The following AVL9 variants were observed in gnomAD, a reference collection of about 807,000 sequenced individuals.
The protein encoded by AVL9 is AVL9 cell migration associated, also known as late secretory pathway protein AVL9 homolog.
AVL9 carries 49 observed loss-of-function variants against 79.2 expected under a neutral mutation model. That is an observed-to-expected ratio of 0.62 (90% CI 0.49 to 0.79). AVL9 has a LOEUF of 0.79. Among genes scored for constraint, AVL9 ranks in the 30% least tolerant of loss-of-function variants. The pLI, the probability that AVL9 is intolerant of heterozygous loss-of-function variation, is 0.00. For missense variants in AVL9, 682 were observed against 776.8 expected, an observed-to-expected ratio of 0.88 and a Z score of 1.45; for synonymous variants, 299 against 280.6, an observed-to-expected ratio of 1.07 and a Z score of -0.65.
At chr7:32,571,554 C>G (rs1257557645) in intron 11 of AVL9, among the ~76,000 whole-genome samples, 2 of 151,864 alleles carry the variant, frequency 1.3e-5, no homozygotes, top group African/African-American at 2.4e-5. Flanking sequence ...AAAAAATTCA[C>G]CCACACTAAG....
Position 32,580,156 on chromosome 7 carries a change from A to G in AVL9, c.1689-63A>G, listed in dbSNP as rs182734580. ...AGAAGTTTACTAATATTTTCTTGTG[A>G]TAACTCTTTTTGCAGCCTTTTTGGT... On this transcript the variant is annotated intron_variant, in intron 13 of 15. Transcript: ENST00000318709. 3.4e-4 allele frequency: 446 copies of G among 1,294,656 alleles called. 1 individual carries two copies. In the African/African-American group the frequency reaches 5.8e-3, roughly 17 times the overall value. The allele number at this position is 1,294,656 out of a possible 1,614,324, so 80.2% of individuals were successfully genotyped here.
chr7:32,497,883 C>A (rs1310306204), intron 1 of AVL9, among the ~76,000 whole-genome samples: 1 of 152,092 alleles, frequency 6.6e-6, no homozygotes, highest in Non-Finnish European at 1.5e-5. Context: ...GATCTCCTTA[C>A]CTCGTGATCC....
At chr7:32,572,376 A>G (rs1375681944) in intron 11 of AVL9, among the ~76,000 whole-genome samples, 1 of 141,082 alleles carries the variant, frequency 7.1e-6, no homozygotes, top group East Asian at 2.3e-4. Context: ...AAGCTGCTTC[A>G]TCATTATTGG....
chr7:32,580,641 T>C, intron 14 of AVL9, 161 bp from the exon 15 acceptor site: 1 of 606,066 alleles, frequency 1.6e-6, no homozygotes, highest in Non-Finnish European at 2.9e-6. Flanking sequence ...GGTTAATAAA[T>C]TAATTCATAA....
rs1277202426 is a variant in AVL9, at chr7:32,587,559, AGCT to A, written c.*3656_*3658del. 1.3e-5 allele frequency: 2 copies of A among 152,370 alleles called. No homozygotes were observed. Among genetic ancestry groups the A allele is most frequent in the East Asian group, 3.9e-4 (2 of 5,182 alleles). 9.4% of individuals were successfully genotyped at this position (152,370 alleles called of 1,614,324 possible). ...GCAGAAAGTAGCCTGTTAGGACAGCAGCTGCTAAGCGTTGCCTGGTATTTTAGT... is the reference window on the plus strand; with the variant it reads ...GCAGAAAGTAGCCTGTTAGGACAGCAGCTAAGCGTTGCCTGGTATTTTAGT... On this transcript the variant is annotated 3_prime_UTR_variant, in exon 16 of 16. Coordinates refer to ENST00000318709, the MANE Select transcript of AVL9 (RefSeq NM_015060.3).
intron 10 of AVL9, among the ~76,000 whole-genome samples, chr7:32,567,978 C>G (rs1432479024): frequency 6.6e-6 from 1 of 151,860 alleles, no homozygotes; most frequent in African/African-American, 2.4e-5. Context: ...CTTCAGCCTC[C>G]CAAAGTGCTG....
Position 32,559,004 on chromosome 7 carries a change from A to C in AVL9, c.755A>C (p.Gln252Pro). 1.2e-6 allele frequency: 2 copies of C among 1,613,932 alleles called. No homozygotes were observed. Among genetic ancestry groups the C allele is most frequent in the Non-Finnish European group, 1.7e-6 (2 of 1,179,874 alleles). ...AGTATGTCTGAAGATGGTGGGCTTC[A>C]GGAAAGTAACCCATGTGCAGATGAT... ...RKSMSEDGGLQESNPCADDFV... is the reference protein window; with the variant it reads ...RKSMSEDGGLPESNPCADDFV... Residue 252 changes from glutamine (Q) to proline (P), a missense_variant, in exon 10 of 16, where the codon CAG (glutamine) becomes CCG (proline). By Grantham distance (76) the Gln-to-Pro change is moderately conservative (BLOSUM62 -1). Coordinates refer to ENST00000318709, the MANE Select transcript of AVL9 (RefSeq NM_015060.3).
At chr7:32,532,354 C>T (rs1788695319) in intron 1 of AVL9, 1 of 152,190 alleles carries the variant, frequency 6.6e-6, no homozygotes, top group Non-Finnish European at 1.5e-5. Context: ...AGGCAATATT[C>T]TAGTGGAAAA....
intron 1 of AVL9, among the ~76,000 whole-genome samples, chr7:32,528,039 G>A (rs1026230299): frequency 3.9e-5 from 6 of 152,066 alleles, no homozygotes; most frequent in Admixed American, 6.5e-5. Flanking sequence ...ATACTTGGAG[G>A]CTTCATCTGC....
intron 5 of AVL9, among the ~76,000 whole-genome samples, chr7:32,551,945 A>C (rs963850433): frequency 6.6e-6 from 1 of 152,156 alleles, no homozygotes; most frequent in Non-Finnish European, 1.5e-5. Context: ...CTAGGAATTC[A>C]TACCACTATG....
chr7:32,546,923 C>T (rs907628479), intron 3 of AVL9, among the ~76,000 whole-genome samples: 2 of 152,170 alleles, frequency 1.3e-5, no homozygotes, highest in South Asian at 4.1e-4. Context: ...CTATTGTAAT[C>T]GAACCCAGGT....
At chr7:32,532,745 A>G (rs1336092841) in intron 1 of AVL9, 3 of 152,244 alleles carry the variant, frequency 2.0e-5, no homozygotes, top group African/African-American at 7.2e-5. Context: ...ATTTAATTTA[A>G]AAACAAACTT....
chr7:32,502,850 CCAGA>C (rs1215125826), intron 1 of AVL9, among the ~76,000 whole-genome samples: 3 of 152,210 alleles, frequency 2.0e-5, no homozygotes, highest in Non-Finnish European at 4.4e-5. Flanking sequence ...CCCTAGCCGG[CCAGA>C]CAGAGAGGTG....
chr7:32,549,898 G>A (rs1302597213), intron 4 of AVL9, among the ~76,000 whole-genome samples: 5 of 107,430 alleles, frequency 4.7e-5, no homozygotes, highest in Admixed American at 3.4e-4. Flanking sequence ...CAGCCTGGGC[G>A]ACAGAGGGAG....
intron 1 of AVL9, among the ~76,000 whole-genome samples, chr7:32,505,836 G>A (rs1407977766): frequency 6.6e-6 from 1 of 151,934 alleles, no homozygotes; most frequent in Non-Finnish European, 1.5e-5. Flanking sequence ...AGAAATAAAA[G>A]CCACTACTTA....
At chr7:32,504,287 T>C (rs2128113322) in intron 1 of AVL9, among the ~76,000 whole-genome samples, 1 of 152,312 alleles carries the variant, frequency 6.6e-6, no homozygotes, top group East Asian at 1.9e-4. Context: ...AAAAATGGTT[T>C]TTATAGCTTT....
intron 2 of AVL9, among the ~76,000 whole-genome samples, chr7:32,543,953 G>T (rs57991351): frequency 6.8e-6 from 1 of 147,490 alleles, no homozygotes; most frequent in African/African-American, 2.5e-5. Context: ...ATGTTGCCCT[G>T]TTGCCCAGGC....
At chr7:32,497,651 TTC>T (rs1201346758) in intron 1 of AVL9, among the ~76,000 whole-genome samples, 3 of 100,880 alleles carry the variant, frequency 3.0e-5, no homozygotes, top group African/African-American at 6.4e-5. Flanking sequence ...TGACCATTAG[TTC>T]TTTTTTTTTT....
chr7:32,552,614 C>T (rs1222243854), intron 6 of AVL9, among the ~76,000 whole-genome samples: 4 of 151,578 alleles, frequency 2.6e-5, no homozygotes, highest in Admixed American at 2.6e-4. Flanking sequence ...GTGATCATGG[C>T]TCACTGCAGC....
Sources: allele counts gnomAD v4.1 joint callset (sites outside exome capture counted in the v4.1 genomes callset), GRCh38; gene constraint gnomAD v4.1.1; transcripts MANE v1.5; gene names NCBI Gene and HGNC (gene_info 2026-07-23, HGNC 2026-07-21).